Variants in ZBTB45 observed in about 807,000 individuals in gnomAD.
ZBTB45 encodes zinc finger and BTB domain containing 45, also known as zinc finger and BTB domain-containing protein 45.
Under a neutral mutation model 28.4 loss-of-function variants are expected in ZBTB45, and 22 were observed. The ratio of observed to expected loss-of-function variants is 0.77; its 90% CI spans 0.55 to 1.10. The LOEUF (loss-of-function observed/expected upper bound fraction) is 1.10, where lower values mean the gene tolerates loss of function less well. Among genes scored for constraint, ZBTB45 ranks in the 50% least tolerant of loss-of-function variants. The pLI is 0.00. For synonymous variants in ZBTB45, 361 were observed against 332.3 expected, an observed-to-expected ratio of 1.09 and a Z score of -0.94; for missense variants, 656 against 750.2, an observed-to-expected ratio of 0.87 and a Z score of 1.47.
Position 58,517,304 on chromosome 19 carries a change from G to A in ZBTB45, c.370C>T (p.Arg124Cys), listed in dbSNP as rs145600435. 340 of 1,604,850 alleles carry A rather than the reference G, an allele frequency of 2.1e-4. No homozygotes were observed. Among genetic ancestry groups the A allele is most frequent in the South Asian group, 1.2e-3 (105 of 91,014 alleles). ...VIDECTQIIARARAPGTSAPT... is the reference protein window; with the variant it reads ...VIDECTQIIACARAPGTSAPT... The stretch of plus-strand genomic sequence containing the variant: ...GCAGAGGTGCCCGGGGCTCGAGCGC[G>A]GGCGATAATCTGCGTGCATTCGTCG... Residue 124 changes from arginine to cysteine, a missense_variant, in exon 2 of 3, where the codon CGC becomes TGC. This residue lies in a region of ZBTB45 where 448 missense variants were observed against 444.3 expected (regional missense o/e 1.01). Coordinates refer to ENST00000594051, the MANE Select transcript of ZBTB45 (RefSeq NM_001316979.2).
rs1164970629 is a variant in ZBTB45 at position 58,514,129 on chromosome 19, G to C, written c.1461C>G (p.Pro487=). 2.5e-6 allele frequency: 4 copies of C among 1,601,894 alleles called. No individual in the cohort carries two copies. The highest frequency in any genetic ancestry group is 2.6e-6 in the Non-Finnish European group (3 of 1,174,948). Residue 487 remains proline, a synonymous_variant, in exon 3 of 3, where the codon CCC becomes CCG. Transcript: ENST00000594051. ...AGAAGACCTTGCCGCAGGCGGGGCA[G>C]GGCGCGCGCTCGGGCCGGTGAGTGC... ...HMRTHRPERA[P]CPACGKVFSH... is the part of the protein sequence containing the mutation.
chr19:58,538,835 C>T (rs1463590475), exon 1 of ZBTB45: 3 of 152,140 alleles, frequency 2.0e-5, no homozygotes, highest in Admixed American at 2.0e-4. Flanking sequence ...CCTCACGACC[C>T]CAGGGGCACC....
intron 1 of ZBTB45, among the ~76,000 whole-genome samples, chr19:58,526,957 A>G (rs1444267624): frequency 6.6e-6 from 1 of 152,126 alleles, no homozygotes; most frequent in African/African-American, 2.4e-5. Flanking sequence ...TCTCCCGAGA[A>G]GCTGGGACTA....
In ZBTB45 at chr19:58,514,236, T is replaced by G; in HGVS notation, c.1354A>C (p.Thr452Pro). 1.9e-6 allele frequency: 3 copies of G among 1,612,622 alleles called. No homozygotes were observed. Among genetic ancestry groups the G allele is most frequent in the African/African-American group, 1.3e-5 (1 of 75,014 alleles). Residue 452 changes from threonine (T) to proline (P), a missense_variant, in exon 3 of 3, where the codon ACG (threonine) becomes CCG (proline). Around this residue, in one of 3 missense-constraint regions of ZBTB45, gnomAD observed 103 missense variants for 153.5 expected, o/e 0.67. Transcript: ENST00000594051. ...LRDYLLKHMV[T>P]HTGVRAFQCA... is the part of the protein sequence containing the mutation. ...TGGAAGGCGCGCACGCCGGTGTGCG[T>G]GACCATGTGTTTGAGCAGGTAGTCG...
chr19:58,537,984 C>CGT (rs954159688), intron 1 of ZBTB45, among the ~76,000 whole-genome samples: 95 of 152,170 alleles, frequency 6.2e-4, no homozygotes, highest in African/African-American at 2.1e-3. Context: ...ATTACAGGCC[C>CGT]GTGCCACCAC....
At chr19:58,526,458 C>T (rs1331564945) in intron 1 of ZBTB45, among the ~76,000 whole-genome samples, 1 of 151,546 alleles carries the variant, frequency 6.6e-6, no homozygotes, top group Non-Finnish European at 1.5e-5. Context: ...GATCCACCTG[C>T]CTCAGCCTCC....
At chr19:58,528,473 A>AG (rs2053619116) in intron 1 of ZBTB45, among the ~76,000 whole-genome samples, 1 of 151,530 alleles carries the variant, frequency 6.6e-6, no homozygotes, top group African/African-American at 2.4e-5. Context: ...AAAAAAAAAA[A>AG]AAAAGTCCAG....
At position 58,513,571 on chromosome 19, in the gene ZBTB45, C is replaced by T. The variant is rs2053441129; in HGVS notation, c.*483G>A. On this transcript the variant is annotated 3_prime_UTR_variant, in exon 3 of 3. Transcript: ENST00000594051. Reference sequence around the variant, plus strand: ...CATGGCCTACAGTCCTTTATTAGAGCGAGAGTCCCGAGGCCCAGCCCCCAT... The same window carrying T: ...CATGGCCTACAGTCCTTTATTAGAGTGAGAGTCCCGAGGCCCAGCCCCCAT... 6.4e-6 allele frequency: 1 copy of T among 156,288 alleles called. No individual in the cohort carries two copies. Among genetic ancestry groups the T allele is most frequent in the Non-Finnish European group, 1.4e-5 (1 of 71,012 alleles). The allele number at this position is 156,288 out of a possible 1,614,324, so 9.7% of individuals were successfully genotyped here.
At chr19:58,532,672 G>A (rs1017011951) in intron 1 of ZBTB45, among the ~76,000 whole-genome samples, 1 of 151,654 alleles carries the variant, frequency 6.6e-6, no homozygotes, top group Admixed American at 6.6e-5. Flanking sequence ...TCAGCCTCCC[G>A]AGTAGTTGGG....
intron 1 of ZBTB45, among the ~76,000 whole-genome samples, chr19:58,531,675 C>A (rs538868804): frequency 6.6e-6 from 1 of 152,184 alleles, no homozygotes; most frequent in South Asian, 2.1e-4. Context: ...GGCTTAAAAT[C>A]AGCATCATAT....
chr19:58,514,267 A>G lies in ZBTB45; in HGVS notation c.1323T>C (p.Ser441=). 6.2e-7 allele frequency: 1 copy of G among 1,610,738 alleles called. No homozygotes were observed. Among genetic ancestry groups the G allele is most frequent in the East Asian group, 2.2e-5 (1 of 44,776 alleles). Residue 441 remains serine, a synonymous_variant, in exon 3 of 3, where the codon TCT becomes TCC. Coordinates refer to ENST00000594051, the MANE Select transcript of ZBTB45 (RefSeq NM_001316979.2). ...TGTGTTTGAGCAGGTAGTCGCGTAG[A>G]GAGAAGGATCGCCAGCACACGGCGC... ...HQCAVCWRSF[S]LRDYLLKHMV... is the part of the protein sequence containing the mutation.
At chr19:58,536,334 TGG>T (rs1034917016) in intron 1 of ZBTB45, among the ~76,000 whole-genome samples, 1 of 151,870 alleles carries the variant, frequency 6.6e-6, no homozygotes, top group African/African-American at 2.4e-5. Context: ...GGCATGGTGG[TGG>T]GCACCTGTAG....
Position 58,516,275 on chromosome 19 carries a change from G to C in ZBTB45, c.1279+120C>G. Reference sequence around the variant, plus strand: ...ACTTGGGGGAAGGCTCAATTTCTAGGCCCCCTGCTAACCAAAAGTAACAGA... The same window carrying C: ...ACTTGGGGGAAGGCTCAATTTCTAGCCCCCCTGCTAACCAAAAGTAACAGA... On this transcript the variant is annotated intron_variant, in intron 2 of 2. Transcript: ENST00000594051. This position sits in a 1 kb window ranked among gnomAD's most constrained non-coding sequence, Gnocchi z 6.2. 1 of 1,289,666 alleles carries C rather than the reference G, an allele frequency of 7.8e-7. No individual in the cohort carries two copies. Among genetic ancestry groups the C allele is most frequent in the Non-Finnish European group, 1.1e-6 (1 of 937,274 alleles). The allele number at this position is 1,289,666 out of a possible 1,614,324, so 79.9% of individuals were successfully genotyped here.
chr19:58,537,496 G>A (rs1350133800), intron 1 of ZBTB45, among the ~76,000 whole-genome samples: 2 of 152,142 alleles, frequency 1.3e-5, no homozygotes, highest in African/African-American at 4.8e-5. Flanking sequence ...GGCAGCCGAT[G>A]ATAGGGTGGC....
chr19:58,514,005 G>C lies in ZBTB45; in HGVS notation c.*49C>G, dbSNP rs1222450577. ...GGTCCCGCAGCGGGCGTGGCCGACTGTGCGGGAGGCCCCGGATCCACCGTG... is the reference window on the plus strand; with the variant it reads ...GGTCCCGCAGCGGGCGTGGCCGACTCTGCGGGAGGCCCCGGATCCACCGTG... On this transcript the variant is annotated 3_prime_UTR_variant, in exon 3 of 3. Transcript: ENST00000594051. The C allele has an allele frequency of 2.9e-6, 4 of 1,367,776 alleles. No homozygotes were observed. The highest frequency in any genetic ancestry group is 1.9e-6 in the Non-Finnish European group (2 of 1,066,954). The allele number at this position is 1,367,776 out of a possible 1,614,324, so 84.7% of individuals were successfully genotyped here.
chr19:58,522,810 C>T (rs559251113), upstream of ZBTB45, among the ~76,000 whole-genome samples: 9 of 152,178 alleles, frequency 5.9e-5, no homozygotes, highest in African/African-American at 1.9e-4. Context: ...GGAGGGAGGA[C>T]GGCCCTCCCT....
At position 58,514,165 on chromosome 19, in the gene ZBTB45, G is replaced by A. The variant is rs151304391; in HGVS notation, c.1425C>T (p.Asn475=). The A allele has an allele frequency of 3.2e-4, 513 of 1,611,488 alleles. 2 individuals are homozygous for A. In the African/African-American group the frequency reaches 6.0e-3, roughly 19 times the overall value. Reference sequence around the variant, plus strand: ...CGGGCCGGTGAGTGCGCATGTGCACGTTGAGCGAGCTCTTCTGCGTGAAGC... The same window carrying A: ...CGGGCCGGTGAGTGCGCATGTGCACATTGAGCGAGCTCTTCTGCGTGAAGC... The part of the protein sequence containing the change: ...AKRFTQKSSL[N]VHMRTHRPER... The change falls in exon 3 of 3, where the codon AAC becomes AAT. Residue 475 remains asparagine (N), a synonymous_variant. Transcript: ENST00000594051.
rs766764693 is a variant in ZBTB45, at chr19:58,516,737, T to C, written c.937A>G (p.Ile313Val). The C allele has an allele frequency of 9.9e-6, 16 of 1,610,456 alleles. No individual in the cohort carries two copies. The highest frequency in any genetic ancestry group is 2.2e-5 in the South Asian group (2 of 90,672). The change falls in exon 2 of 3, where the codon ATA (isoleucine) becomes GTA (valine). Residue 313 changes from isoleucine to valine, a missense_variant. By Grantham distance (29) the Ile-to-Val change is conservative (BLOSUM62 3). This residue lies in a region of ZBTB45 where 448 missense variants were observed against 444.3 expected (regional missense o/e 1.01). Coordinates refer to ENST00000594051, the MANE Select transcript of ZBTB45 (RefSeq NM_001316979.2). This position sits in a 1 kb window ranked among gnomAD's most constrained non-coding sequence, Gnocchi z 6.2. ...PTETPVQPDC[I>V]LSGSRPPGVK... ...CCAGGCGGGCGGGATCCAGACAGTATGCAGTCGGGCTGGACAGGGGTCTCA... is the reference window on the plus strand; with the variant it reads ...CCAGGCGGGCGGGATCCAGACAGTACGCAGTCGGGCTGGACAGGGGTCTCA...
At chr19:58,525,384 G>A (rs1374403439) in intron 1 of ZBTB45, among the ~76,000 whole-genome samples, 7 of 152,332 alleles carry the variant, frequency 4.6e-5, no homozygotes, top group African/African-American at 1.7e-4. Flanking sequence ...AATGCTTCCT[G>A]GTTTAAGGCA....
Sources: allele counts gnomAD v4.1 joint callset (sites outside exome capture counted in the v4.1 genomes callset), GRCh38; gene constraint gnomAD v4.1.1; regional missense constraint gnomAD v4.1.1; non-coding constraint Gnocchi (gnomAD v3.1); transcripts MANE v1.5; gene names NCBI Gene and HGNC (gene_info 2026-07-23, HGNC 2026-07-21).